Variants in RBPMS observed in about 807,000 individuals in gnomAD.
The protein encoded by RBPMS is RNA binding protein, mRNA processing factor.
Under a neutral mutation model 26.8 loss-of-function variants are expected in RBPMS, and 7 were observed. The ratio of observed to expected loss-of-function variants is 0.26; its 90% CI spans 0.15 to 0.49. RBPMS has a LOEUF of 0.49. Among genes scored for constraint, RBPMS ranks in the 20% least tolerant of loss-of-function variants. The pLI is 0.98. For synonymous variants in RBPMS, 96 were observed against 93.3 expected, an observed-to-expected ratio of 1.03 and a Z score of -0.17; for missense variants, 186 against 250.0, an observed-to-expected ratio of 0.74 and a Z score of 1.73.
At chr8:30,390,188 G>T (rs1461791512) in intron 1 of RBPMS, among the ~76,000 whole-genome samples, 1 of 152,154 alleles carries the variant, frequency 6.6e-6, no homozygotes, top group Non-Finnish European at 1.5e-5. Flanking sequence ...TGAACAAAAA[G>T]AATTAAATGT....
chr8:30,444,147 T>C (rs1443095055), intron 1 of RBPMS, among the ~76,000 whole-genome samples: 1 of 147,422 alleles, frequency 6.8e-6, no homozygotes, highest in Non-Finnish European at 1.5e-5. Context: ...CCTCCGGCCT[T>C]GGCCTCCCAA....
At chr8:30,464,513 G>A (rs1816285137) in intron 1 of RBPMS, among the ~76,000 whole-genome samples, 1 of 152,150 alleles carries the variant, frequency 6.6e-6, no homozygotes, top group African/African-American at 2.4e-5. Context: ...TTGGCAATGG[G>A]ATGAAGTTCC....
At chr8:30,449,370 T>C (rs999106923) in intron 1 of RBPMS, among the ~76,000 whole-genome samples, 2 of 24,078 alleles carry the variant, frequency 8.3e-5, no homozygotes, top group African/African-American at 7.2e-4. Context: ...ACATCTCCTC[T>C]TTTTTTTTTT....
At chr8:30,569,106 T>C (rs773481465) in intron 8 of RBPMS, among the ~76,000 whole-genome samples, 1 of 152,168 alleles carries the variant, frequency 6.6e-6, no homozygotes, top group Non-Finnish European at 1.5e-5. Context: ...CAGCTACCCA[T>C]GGAGGCTCAG....
At chr8:30,448,837 T>C in intron 1 of RBPMS, among the ~76,000 whole-genome samples, 1 of 152,264 alleles carries the variant, frequency 6.6e-6, no homozygotes, top group Non-Finnish European at 1.5e-5. Flanking sequence ...GCAGTATGTT[T>C]GGCAACTATT....
intron 6 of RBPMS, among the ~76,000 whole-genome samples, chr8:30,551,094 G>T (rs1826327463): frequency 6.6e-6 from 1 of 152,118 alleles, no homozygotes; most frequent in Non-Finnish European, 1.5e-5. Flanking sequence ...TCTCTTCACA[G>T]TTCTGCCAGG....
intron 5 of RBPMS, among the ~76,000 whole-genome samples, chr8:30,505,374 A>G (rs16877092): frequency 0.016 from 2,493 of 152,286 alleles, 80 homozygotes; most frequent in African/African-American, 0.057. Context: ...TGAAGGACAC[A>G]TGGATTCCTT....
intron 1 of RBPMS, among the ~76,000 whole-genome samples, chr8:30,461,570 A>AT (rs1312745638): frequency 6.6e-6 from 1 of 151,848 alleles, no homozygotes; most frequent in Non-Finnish European, 1.5e-5. Context: ...AATTTTTTGT[A>AT]TTTTTTAGTA....
chr8:30,419,008 C>A (rs1253495338), intron 1 of RBPMS, among the ~76,000 whole-genome samples: 1 of 150,042 alleles, frequency 6.7e-6, no homozygotes, highest in Non-Finnish European at 1.5e-5. Context: ...AAAGATAGGC[C>A]CCTGTTATCA....
In RBPMS at chr8:30,508,205, C is replaced by T. The variant is rs1272172468; in HGVS notation, c.397+3769C>T. Among the ~76,000 whole-genome samples, 3 of 152,108 alleles carry T rather than the reference C, an allele frequency of 2.0e-5. No homozygotes were observed. The East Asian group carries it at 5.8e-4, about 29-fold the overall frequency. ...GTGTGAGGACAGAGGACAAAGCAAC[C>T]ATCTGCAAGCCAAGGAGAGAGACCT... is the stretch of plus-strand genomic sequence containing the variant. On this transcript the variant is annotated intron_variant, in intron 5 of 8. Transcript: ENST00000397323.
chr8:30,528,039 G>A, intron 5 of RBPMS, among the ~76,000 whole-genome samples: 1 of 152,180 alleles, frequency 6.6e-6, no homozygotes, highest in Admixed American at 6.5e-5. Context: ...GCCGGGCGTG[G>A]TGGCGGGCGC....
In RBPMS at chr8:30,389,327, C is replaced by T. The variant is rs1418745383; in HGVS notation, c.66+4169C>T. On this transcript the variant is annotated intron_variant, in intron 1 of 8. Coordinates refer to ENST00000397323, the MANE Select transcript of RBPMS (RefSeq NM_001008710.3). Reference sequence around the variant, plus strand: ...CCTGATAAACCCTTGTGTGCATCTGCAGTCTTCTTCATTCCCAGTGGCATT... The same window carrying T: ...CCTGATAAACCCTTGTGTGCATCTGTAGTCTTCTTCATTCCCAGTGGCATT... Among the ~76,000 whole-genome samples the T allele has an allele frequency of 3.3e-5, 5 of 152,328 alleles. No homozygotes were observed. The South Asian group carries it at 1.0e-3, about 32-fold the overall frequency.
Position 30,558,420 on chromosome 8 carries a change from T to C in RBPMS, c.529-467T>C, listed in dbSNP as rs993795919. 41 of 206,374 alleles carry C rather than the reference T, an allele frequency of 2.0e-4. 1 individual carries two copies. Among genetic ancestry groups the C allele is most frequent in the African/African-American group, 9.2e-4 (40 of 43,420 alleles). The allele number at this position is 206,374 out of a possible 1,614,324, so 12.8% of individuals were successfully genotyped here. A position where few individuals can be genotyped will look rare whatever the true frequency, so the allele number is the denominator to read the frequency against. On this transcript the variant is annotated intron_variant, in intron 6 of 8. Coordinates refer to ENST00000397323, the MANE Select transcript of RBPMS (RefSeq NM_001008710.3). Reference sequence around the variant, plus strand: ...AACCCTTTTTTTAAAAGAACAGGAATAGAATCGCAAAGTAGTCCTGGCCAG... The same window carrying C: ...AACCCTTTTTTTAAAAGAACAGGAACAGAATCGCAAAGTAGTCCTGGCCAG...
rs182637881 is a variant in RBPMS, at chr8:30,418,857, A to C, written c.66+33699A>C. The stretch of plus-strand genomic sequence containing the variant: ...GCCTCCCAAAATGCTCGGCCTCCCA[A>C]ATCTGTTTTAGTGGTACAGGTACTC... On this transcript the variant is annotated intron_variant, in intron 1 of 8. Coordinates refer to ENST00000397323, the MANE Select transcript of RBPMS (RefSeq NM_001008710.3). Among the ~76,000 whole-genome samples, 323 of 152,060 alleles carry C rather than the reference A, an allele frequency of 2.1e-3. 1 individual carries two copies. The highest frequency in any genetic ancestry group is 3.7e-3 in the Non-Finnish European group (254 of 67,982).
At chr8:30,470,382 T>TA (rs560844858) in intron 1 of RBPMS, among the ~76,000 whole-genome samples, 1,653 of 145,274 alleles carry the variant, frequency 0.011, 25 homozygotes, top group African/African-American at 0.036. Context: ...AGATTCCATC[T>TA]AAAAAAAAAA....
chr8:30,530,681 C>T (rs1395554802), intron 5 of RBPMS, among the ~76,000 whole-genome samples: 2 of 152,106 alleles, frequency 1.3e-5, no homozygotes, highest in South Asian at 2.1e-4. Flanking sequence ...AGGTTGGTCT[C>T]GAACTCCCGA....
At chr8:30,501,171 G>A (rs1338772099) in intron 4 of RBPMS, among the ~76,000 whole-genome samples, 2 of 151,836 alleles carry the variant, frequency 1.3e-5, no homozygotes, top group Non-Finnish European at 2.9e-5. Context: ...AAAACCTAAT[G>A]GCTTAGCTGA....
chr8:30,384,575 G>A lies in RBPMS; in HGVS notation c.-518G>A. Reference sequence around the variant, plus strand: ...CTGGAGCGCGTACTCAGCGGCTCTCGGGTCCCAGCGTCCCAGCCGCGGCCC... The same window carrying A: ...CTGGAGCGCGTACTCAGCGGCTCTCAGGTCCCAGCGTCCCAGCCGCGGCCC... On this transcript the variant is annotated 5_prime_UTR_variant, in exon 1 of 9. Transcript: ENST00000397323. This position sits in a 1 kb window ranked among gnomAD's most constrained non-coding sequence, Gnocchi z 5.6. 1 of 155,496 alleles carries A rather than the reference G, an allele frequency of 6.4e-6. No individual in the cohort carries two copies. Among genetic ancestry groups the A allele is most frequent in the Non-Finnish European group, 1.4e-5 (1 of 70,536 alleles). 9.6% of individuals were successfully genotyped at this position (155,496 alleles called of 1,614,324 possible).
chr8:30,546,108 C>T (rs554181761), intron 6 of RBPMS, among the ~76,000 whole-genome samples: 8 of 152,228 alleles, frequency 5.3e-5, no homozygotes, highest in African/African-American at 1.4e-4. Flanking sequence ...TAGCAGGCTG[C>T]GGATAAATAT....
Sources: allele counts gnomAD v4.1 joint callset (sites outside exome capture counted in the v4.1 genomes callset), GRCh38; gene constraint gnomAD v4.1.1; non-coding constraint Gnocchi (gnomAD v3.1); transcripts MANE v1.5; gene names NCBI Gene and HGNC (gene_info 2026-07-23, HGNC 2026-07-21).